UQCRC2: variants seen among roughly 807,000 people sequenced by gnomAD.
UQCRC2 encodes the protein ubiquinol-cytochrome c reductase core protein 2.
In UQCRC2, 49 loss-of-function variants were observed where a neutral mutation model predicts 55.6. The ratio of observed to expected loss-of-function variants is 0.88; its 90% CI spans 0.70 to 1.12. The LOEUF (loss-of-function observed/expected upper bound fraction) is 1.12. Ranked by LOEUF, UQCRC2 falls within the 50% of genes most tolerant of loss-of-function variation. The probability of loss-of-function intolerance (pLI) is 0.00; values close to 1 mark genes in which losing one functional copy is unlikely to be tolerated. For missense variants in UQCRC2, 506 were observed against 547.8 expected, an observed-to-expected ratio of 0.92 and a Z score of 0.76; for synonymous variants, 193 against 192.0, an observed-to-expected ratio of 1.01 and a Z score of -0.04.
Position 21,971,582 on chromosome 16 carries a change from G to C in UQCRC2, c.728G>C (p.Gly243Ala). ...VAEQFLNMRG[G>A]LGLSGAKANY... ...GAACAGTTTCTCAACATGAGGGGTG[G>C]GCTTGGTTTATCTGGTGCAAAGGCC... Residue 243 changes from glycine to alanine, a missense_variant, in exon 9 of 14, where the codon GGG becomes GCG. Coordinates refer to ENST00000268379, the MANE Select transcript of UQCRC2 (RefSeq NM_003366.4). The C allele has an allele frequency of 6.2e-7, 1 of 1,614,130 alleles. No homozygotes were observed. Among genetic ancestry groups the C allele is most frequent in the South Asian group, 1.1e-5 (1 of 91,080 alleles).
intron 1 of UQCRC2, among the ~76,000 whole-genome samples, chr16:21,955,887 A>G (rs1245685894): frequency 1.3e-5 from 2 of 151,980 alleles, no homozygotes; most frequent in Non-Finnish European, 1.5e-5. Flanking sequence ...CTGCAATGGC[A>G]CAATCTCGGC....
At chr16:21,964,394 G>A (rs1261222854) in intron 6 of UQCRC2, among the ~76,000 whole-genome samples, 1 of 152,092 alleles carries the variant, frequency 6.6e-6, no homozygotes, top group African/African-American at 2.4e-5. Flanking sequence ...CCATTACAGT[G>A]ATCCTTCTGA....
intron 10 of UQCRC2, among the ~76,000 whole-genome samples, chr16:21,973,150 C>T (rs1898503953): frequency 6.6e-6 from 1 of 152,090 alleles, no homozygotes; most frequent in Admixed American, 6.5e-5. Context: ...CCTTCTTATG[C>T]TTTACGTGGA....
chr16:21,964,901 A>AT (rs1214651744), intron 6 of UQCRC2, among the ~76,000 whole-genome samples: 14 of 152,244 alleles, frequency 9.2e-5, no homozygotes, highest in Admixed American at 9.2e-4. Flanking sequence ...GCAAAAAGGC[A>AT]TTGAAGCAAG....
chr16:21,961,201 A>G (rs1898190509), intron 4 of UQCRC2: 2 of 283,262 alleles, frequency 7.1e-6, no homozygotes, highest in South Asian at 2.9e-5. Context: ...AGGAGTATAA[A>G]TTGATACAAC....
At chr16:21,962,276 T>G in intron 4 of UQCRC2, 184 bp from the exon 5 acceptor site, 1 of 625,678 alleles carries the variant, frequency 1.6e-6, no homozygotes, top group Non-Finnish European at 2.8e-6. Context: ...GGTTGAATTA[T>G]TTGCTGGTTT....
intron 11 of UQCRC2, 78 bp from the exon 12 acceptor site, chr16:21,976,089 C>T (rs1898577972): frequency 2.1e-6 from 2 of 954,688 alleles, no homozygotes; most frequent in Middle Eastern, 2.1e-4. Flanking sequence ...GTGTTTTTGC[C>T]TCAGTAAAGA....
At position 21,983,127 on chromosome 16, in the gene UQCRC2, G is replaced by A. The variant is rs1000925967; in HGVS notation, c.1318G>A (p.Ala440Thr). The A allele has an allele frequency of 6.2e-7, 1 of 1,614,154 alleles. No individual in the cohort carries two copies. Among genetic ancestry groups the A allele is most frequent in the Non-Finnish European group, 8.5e-7 (1 of 1,180,014 alleles). The part of the protein sequence containing the change: ...KFVSGQKSMA[A>T]SGNLGHTPFV... ...TGTTTCTGGCCAGAAGTCAATGGCA[G>A]CAAGTGGAAATTTGGGACATACACC... The change falls in exon 14 of 14, where the codon GCA (alanine) becomes ACA (threonine). Residue 440 changes from alanine (A) to threonine (T), a missense_variant. Physicochemically the swap from Ala to Thr is moderately conservative, Grantham distance 58. Coordinates refer to ENST00000268379, the MANE Select transcript of UQCRC2 (RefSeq NM_003366.4).
At chr16:21,967,328 T>G (rs928118081) in intron 7 of UQCRC2, among the ~76,000 whole-genome samples, 2 of 152,236 alleles carry the variant, frequency 1.3e-5, no homozygotes, top group Admixed American at 1.3e-4. Context: ...CGTTATCACT[T>G]TCCTTCCTGA....
At chr16:21,982,286 C>T (rs897398781) in intron 13 of UQCRC2, among the ~76,000 whole-genome samples, 1 of 152,132 alleles carries the variant, frequency 6.6e-6, no homozygotes, top group Non-Finnish European at 1.5e-5. Context: ...TCCACCTACA[C>T]CTGACTCATG....
chr16:21,963,734 G>C (rs1567471838), intron 6 of UQCRC2, among the ~76,000 whole-genome samples: 1 of 152,124 alleles, frequency 6.6e-6, no homozygotes, highest in South Asian at 2.1e-4. Context: ...TTCCCAAAGT[G>C]CTGGGATTAC....
At chr16:21,971,729 A>G (rs1035763823) in intron 9 of UQCRC2, 109 bp downstream of exon 9, 16 of 1,333,828 alleles carry the variant, frequency 1.2e-5, no homozygotes, top group Non-Finnish European at 1.5e-5. Flanking sequence ...CAGTCTCGGC[A>G]TAGAATTGGA....
chr16:21,967,487 G>A (rs188466544), intron 7 of UQCRC2, among the ~76,000 whole-genome samples: 1 of 151,868 alleles, frequency 6.6e-6, no homozygotes, highest in Admixed American at 6.6e-5. Context: ...CATCTGGAAA[G>A]GATAGCATTT....
At position 21,967,823 on chromosome 16, in the gene UQCRC2, C is replaced by T. The variant is rs555690938; in HGVS notation, c.613-805C>T. Among the ~76,000 whole-genome samples the T allele has an allele frequency of 7.2e-5, 11 of 152,032 alleles. No homozygotes were observed. In the South Asian group the frequency reaches 1.5e-3, roughly 20 times the overall value. ...TATAGAGATTGGCTTCAAAGATGGA[C>T]GAGAAGGGTGTTGTGGTAAAACTCT... On this transcript the variant is annotated intron_variant, in intron 7 of 13. Coordinates refer to ENST00000268379, the MANE Select transcript of UQCRC2 (RefSeq NM_003366.4).
chr16:21,968,681 A>G lies in UQCRC2; in HGVS notation c.666A>G (p.Gly222=). 1 of 1,608,944 alleles carries G rather than the reference A, an allele frequency of 6.2e-7. No individual in the cohort carries two copies. Among genetic ancestry groups the G allele is most frequent in the East Asian group, 2.2e-5 (1 of 44,610 alleles). The change falls in exon 8 of 14, where the codon GGA becomes GGG. Residue 222 remains glycine (G), a synonymous_variant. Coordinates refer to ENST00000268379, the MANE Select transcript of UQCRC2 (RefSeq NM_003366.4). ...CAAGTGCAAGAATGGCTTTGATTGG[A>G]CTTGGTAAGTTTAGAGTATTGCCTG... The part of the protein sequence containing the change: ...HFTSARMALI[G]LGVSHPVLKQ...
At position 21,957,464 on chromosome 16, in the gene UQCRC2, T is replaced by C. The variant is rs769456399; in HGVS notation, c.165T>C (p.Tyr55=). Residue 55 remains tyrosine, a synonymous_variant, in exon 3 of 14, where the codon TAT becomes TAC. Transcript: ENST00000268379. ...TGGTGATTGCTTCTTTGGAAAACTA[T>C]TCTCCTGTATCAAGAATTGGTTTGT... ...NGLVIASLEN[Y]SPVSRIGLFI... The C allele has an allele frequency of 2.5e-6, 4 of 1,614,076 alleles. No individual in the cohort carries two copies. The highest frequency in any genetic ancestry group is 1.3e-5 in the African/African-American group (1 of 74,924).
At chr16:21,961,663 TA>T in intron 4 of UQCRC2, among the ~76,000 whole-genome samples, 1 of 113,286 alleles carries the variant, frequency 8.8e-6, no homozygotes, top group Non-Finnish European at 1.7e-5. Flanking sequence ...TATATATATA[TA>T]TATATTTTAG....
At chr16:21,959,068 G>A (rs1898142017) in intron 4 of UQCRC2, among the ~76,000 whole-genome samples, 1 of 152,184 alleles carries the variant, frequency 6.6e-6, no homozygotes, top group African/African-American at 2.4e-5. Context: ...CTTTGCTGGT[G>A]GAGGGTCTTG....
At chr16:21,966,054 G>T (rs748225851) in intron 7 of UQCRC2, among the ~76,000 whole-genome samples, 1 of 150,740 alleles carries the variant, frequency 6.6e-6, no homozygotes, top group Non-Finnish European at 1.5e-5. Context: ...TGGCTCATGC[G>T]TGTAATCTCA....
Sources: allele counts gnomAD v4.1 joint callset (sites outside exome capture counted in the v4.1 genomes callset), GRCh38; gene constraint gnomAD v4.1.1; transcripts MANE v1.5; gene names NCBI Gene and HGNC (gene_info 2026-07-23, HGNC 2026-07-21).